Variants in TENM3 observed in about 807,000 individuals in gnomAD.
TENM3 encodes the protein teneurin transmembrane protein 3.
A neutral mutation model predicts 255.1 loss-of-function variants in TENM3; 63 were observed. The ratio of observed to expected loss-of-function variants is 0.25; its 90% CI spans 0.20 to 0.30. The LOEUF (loss-of-function observed/expected upper bound fraction) is 0.30, where lower values mean the gene tolerates loss of function less well. Among genes scored for constraint, TENM3 ranks in the 10% least tolerant of loss-of-function variants. The probability of loss-of-function intolerance (pLI) is 1.00; values close to 1 mark genes in which losing one functional copy is unlikely to be tolerated. For synonymous variants in TENM3, 1,306 were observed against 1,322.3 expected, an observed-to-expected ratio of 0.99 and a Z score of 0.27; for missense variants, 2,929 against 3,461.1, an observed-to-expected ratio of 0.85 and a Z score of 3.86.
At chr4:181,838,568 AG>A in the TENM3 span, among the ~76,000 whole-genome samples, 6 of 152,212 alleles carry the variant, frequency 3.9e-5, no homozygotes, top group African/African-American at 1.4e-4. Context: ...TTTTATTGAC[AG>A]GAACAGATGA....
At chr4:182,589,636 C>A (rs1439813173) in intron 3 of TENM3, among the ~76,000 whole-genome samples, 1 of 152,022 alleles carries the variant, frequency 6.6e-6, no homozygotes, top group African/African-American at 2.4e-5. Context: ...AAGGTTCGGT[C>A]TTAGAAATCC....
chr4:182,751,288 C>T (rs1247579830), intron 19 of TENM3, among the ~76,000 whole-genome samples: 2 of 151,918 alleles, frequency 1.3e-5, no homozygotes, highest in Non-Finnish European at 2.9e-5. Flanking sequence ...GCAACCAAGA[C>T]AGATACAGTG....
intron 3 of TENM3, among the ~76,000 whole-genome samples, chr4:182,578,769 T>G (rs1183180667): frequency 6.6e-6 from 1 of 152,196 alleles, no homozygotes; most frequent in Non-Finnish European, 1.5e-5. Context: ...ATTCTTCCAC[T>G]TGGAGGTGAA....
the TENM3 span, among the ~76,000 whole-genome samples, chr4:181,758,987 T>C: frequency 6.6e-6 from 1 of 152,168 alleles, no homozygotes; most frequent in Admixed American, 6.5e-5. Flanking sequence ...ACAAAAATTG[T>C]TTAAGTGTTT....
intron 1 of TENM3, among the ~76,000 whole-genome samples, chr4:182,174,048 G>T (rs1752281265): frequency 6.7e-6 from 1 of 150,112 alleles, no homozygotes. Context: ...CAGACTTTAT[G>T]CAAATTGATA....
chr4:182,239,890 A>C (rs1561230325), upstream of TENM3, among the ~76,000 whole-genome samples: 1 of 152,258 alleles, frequency 6.6e-6, no homozygotes, highest in Admixed American at 6.5e-5. Flanking sequence ...GTGTAAAAAT[A>C]GGGTAATTAA....
At chr4:181,605,584 G>GAAAGAAAGAAAGATAGAAAGAAAGAAA in the TENM3 span, among the ~76,000 whole-genome samples, 4 of 69,142 alleles carry the variant, frequency 5.8e-5, 1 homozygote, top group Non-Finnish European at 9.0e-5. Context: ...GAGAAAGAAA[G>GAAAGAAAGAAAGATAGAAAGAAAGAAA]GAAAGAAAGA....
chr4:181,539,638 T>A, the TENM3 span, among the ~76,000 whole-genome samples: 1 of 152,170 alleles, frequency 6.6e-6, no homozygotes, highest in Non-Finnish European at 1.5e-5. Context: ...GAAATGACAA[T>A]GTCCTAGATC....
At chr4:182,019,177 C>G in the TENM3 span, among the ~76,000 whole-genome samples, 1 of 152,166 alleles carries the variant, frequency 6.6e-6, no homozygotes, top group African/African-American at 2.4e-5. Flanking sequence ...CTTTCTTTGG[C>G]TACACAGCAT....
At chr4:181,982,214 G>A in the TENM3 span, among the ~76,000 whole-genome samples, 23 of 152,234 alleles carry the variant, frequency 1.5e-4, no homozygotes, top group Middle Eastern at 3.4e-3. Context: ...TCAGCGGCGC[G>A]ATTAAGCAGA....
chr4:182,700,508 G>A (rs1448208388), intron 12 of TENM3, among the ~76,000 whole-genome samples: 1 of 152,116 alleles, frequency 6.6e-6, no homozygotes, highest in Admixed American at 6.6e-5. Context: ...GCAGATTATG[G>A]TGTGACTGGA....
chr4:181,821,944 G>A, the TENM3 span, among the ~76,000 whole-genome samples: 7,186 of 152,186 alleles, frequency 0.047, 214 homozygotes, highest in Non-Finnish European at 0.064. Flanking sequence ...GTTTTGGGTC[G>A]AAATGATTTT....
chr4:181,903,891 T>C, the TENM3 span, among the ~76,000 whole-genome samples: 1 of 152,104 alleles, frequency 6.6e-6, no homozygotes, highest in Admixed American at 6.6e-5. Context: ...TCTTTTTCAT[T>C]CTGCACTCGA....
chr4:181,905,215 C>T, the TENM3 span, among the ~76,000 whole-genome samples: 2 of 152,164 alleles, frequency 1.3e-5, no homozygotes, highest in African/African-American at 4.8e-5. Flanking sequence ...TTGTTCCTGG[C>T]ATAATTATAT....
chr4:182,463,906 G>A lies in TENM3; in HGVS notation c.511+116977G>A, dbSNP rs998580991. Among the ~76,000 whole-genome samples the A allele has an allele frequency of 3.9e-5, 6 of 152,120 alleles. No individual in the cohort carries two copies. The East Asian group carries it at 9.7e-4, about 25-fold the overall frequency. ...CAAGGTGCTGAGATTACAGGTGTGA[G>A]CCACCGTGCCCAGCCGTAGTATCAC... On this transcript the variant is annotated intron_variant, in intron 3 of 27. Coordinates refer to ENST00000511685, the MANE Select transcript of TENM3 (RefSeq NM_001080477.4).
chr4:182,194,927 A>T (rs1308045142), intron 1 of TENM3, among the ~76,000 whole-genome samples: 1 of 151,660 alleles, frequency 6.6e-6, no homozygotes, highest in African/African-American at 2.4e-5. Context: ...GATAGAATTT[A>T]TTTTTTACCA....
the TENM3 span, among the ~76,000 whole-genome samples, chr4:181,890,597 C>A: frequency 6.6e-6 from 1 of 152,064 alleles, no homozygotes; most frequent in Non-Finnish European, 1.5e-5. Context: ...TTATTAAAAT[C>A]AAGCAATTTA....
intron 22 of TENM3, among the ~76,000 whole-genome samples, chr4:182,767,934 C>T (rs564763665): frequency 6.6e-6 from 1 of 152,314 alleles, no homozygotes; most frequent in East Asian, 1.9e-4. Flanking sequence ...CCGGAGAAAG[C>T]AGTCACATTT....
the TENM3 span, among the ~76,000 whole-genome samples, chr4:181,452,452 T>A: frequency 6.6e-6 from 1 of 152,064 alleles, no homozygotes; most frequent in East Asian, 1.9e-4. Context: ...GCTGTTCTCA[T>A]GATAGTGAGT....
Sources: allele counts gnomAD v4.1 joint callset (sites outside exome capture counted in the v4.1 genomes callset), GRCh38; gene constraint gnomAD v4.1.1; transcripts MANE v1.5; gene names NCBI Gene and HGNC (gene_info 2026-07-23, HGNC 2026-07-21).